KIF15: variants seen among roughly 807,000 people sequenced by gnomAD.
KIF15 encodes kinesin family member 15.
Under a neutral mutation model 190.6 loss-of-function variants are expected in KIF15, and 140 were observed. That is an observed-to-expected ratio of 0.73 (90% confidence interval 0.64 to 0.84). The LOEUF is 0.84. KIF15 is among the 40% of genes least tolerant of loss of function. The pLI is 0.00. For synonymous variants in KIF15, 528 were observed against 551.3 expected, an observed-to-expected ratio of 0.96 and a Z score of 0.59; for missense variants, 1,372 against 1,584.4, an observed-to-expected ratio of 0.87 and a Z score of 2.28.
At chr3:44,797,057 T>C (rs1185846398) in intron 8 of KIF15, among the ~76,000 whole-genome samples, 5 of 152,178 alleles carry the variant, frequency 3.3e-5, no homozygotes, top group Non-Finnish European at 7.4e-5. Flanking sequence ...AGAGAGGGTC[T>C]CACTCTGTCA....
intron 20 of KIF15, among the ~76,000 whole-genome samples, chr3:44,822,988 C>T (rs1697430582): frequency 6.6e-6 from 1 of 152,090 alleles, no homozygotes; most frequent in African/African-American, 2.4e-5. Context: ...TTATTACCGA[C>T]CTTCTGAAGC....
chr3:44,865,107 T>G, intron 6 of KIF15: 3 of 1,614,082 alleles, frequency 1.9e-6, no homozygotes, highest in Non-Finnish European at 2.5e-6. Flanking sequence ...GTGTTCCTTA[T>G]TCTCTGCGGA....
At chr3:44,781,772 T>C (rs954640527) in intron 5 of KIF15, among the ~76,000 whole-genome samples, 4 of 152,220 alleles carry the variant, frequency 2.6e-5, no homozygotes, top group African/African-American at 9.6e-5. Flanking sequence ...TTTATTTCTA[T>C]TGACAACTGA....
At chr3:44,829,679 A>ATATATG (rs1697947249) in intron 24 of KIF15, among the ~76,000 whole-genome samples, 2 of 125,046 alleles carry the variant, frequency 1.6e-5, no homozygotes, top group African/African-American at 6.6e-5. Context: ...TAATATATGT[A>ATATATG]TATATATTAT....
chr3:44,809,859 G>T (rs1306022130), intron 16 of KIF15, among the ~76,000 whole-genome samples: 1 of 152,092 alleles, frequency 6.6e-6, no homozygotes, highest in Non-Finnish European at 1.5e-5. Flanking sequence ...TTGAGGCCAG[G>T]AGTTGGAGAC....
intron 18 of KIF15, among the ~76,000 whole-genome samples, 184 bp from the exon 19 acceptor site, chr3:44,812,891 A>G (rs1707853568): frequency 6.6e-6 from 1 of 152,088 alleles, no homozygotes; most frequent in South Asian, 2.1e-4. Context: ...AGGCTGAGGC[A>G]GGAGAATCAC....
At chr3:44,846,121 A>C (rs1698837583) in intron 30 of KIF15, among the ~76,000 whole-genome samples, 1 of 152,210 alleles carries the variant, frequency 6.6e-6, no homozygotes, top group South Asian at 2.1e-4. Flanking sequence ...TAGTTATGGC[A>C]GTGGCAGAAG....
intron 8 of KIF15, among the ~76,000 whole-genome samples, chr3:44,795,930 C>T (rs1706954941): frequency 1.3e-5 from 2 of 152,106 alleles, no homozygotes; most frequent in Admixed American, 6.5e-5. Flanking sequence ...GGCATGATCT[C>T]GGCTTACTGC....
chr3:44,860,475 A>G (rs1007222646), intron 6 of KIF15, among the ~76,000 whole-genome samples: 1 of 152,136 alleles, frequency 6.6e-6, no homozygotes, highest in Non-Finnish European at 1.5e-5. Flanking sequence ...GGTTCAAACA[A>G]TTCTCTGCCT....
intron 1 of KIF15, among the ~76,000 whole-genome samples, chr3:44,762,213 G>A (rs1705181994): frequency 6.6e-6 from 1 of 152,132 alleles, no homozygotes. Flanking sequence ...CCCGACCAGG[G>A]CTACCTCTCT....
At chr3:44,815,218 A>G in intron 20 of KIF15, 142 bp downstream of exon 20, 1 of 704,344 alleles carries the variant, frequency 1.4e-6, no homozygotes, top group Non-Finnish European at 2.2e-6. Context: ...TGGAAGCCCC[A>G]GAGGTGATTT....
At chr3:44,842,741 C>T (rs1038021503) in intron 29 of KIF15, among the ~76,000 whole-genome samples, 1 of 152,156 alleles carries the variant, frequency 6.6e-6, no homozygotes, top group African/African-American at 2.4e-5. Flanking sequence ...AGTTAGGATG[C>T]AATTGAGTAT....
At chr3:44,841,664 C>G (rs1434098285) in intron 29 of KIF15, among the ~76,000 whole-genome samples, 4 of 152,146 alleles carry the variant, frequency 2.6e-5, no homozygotes, top group African/African-American at 9.7e-5. Context: ...TCCCAAAGTG[C>G]TGGGATTACA....
intron 19 of KIF15, among the ~76,000 whole-genome samples, chr3:44,813,615 T>G (rs1707897556): frequency 7.0e-6 from 1 of 143,000 alleles, no homozygotes; most frequent in South Asian, 2.4e-4. Flanking sequence ...ATTTTTTTTT[T>G]GTTTTGTTTG....
chr3:44,808,250 A>G (rs556507754), intron 16 of KIF15, among the ~76,000 whole-genome samples: 34 of 152,364 alleles, frequency 2.2e-4, no homozygotes, highest in Admixed American at 1.8e-3. Context: ...TAGAGCTTGA[A>G]GCACCACGGC....
In KIF15 at chr3:44,848,052, G is replaced by A. The variant is rs1453338901; in HGVS notation, c.3763G>A (p.Ala1255Thr). The A allele has an allele frequency of 2.5e-6, 4 of 1,595,742 alleles. No individual in the cohort carries two copies. The highest frequency in any genetic ancestry group is 3.4e-6 in the Non-Finnish European group (4 of 1,165,454). ...AGAAGAAAGTATCAAAGAAAGACTT[G>A]CAAAAGTAAGATTTTTTTTTATGTA... Reference protein sequence around the residue: ...EQEESIKERLAKSKIVEEMLK... With the variant: ...EQEESIKERLTKSKIVEEMLK... Residue 1255 changes from alanine (A) to threonine (T), a missense_variant, in exon 31 of 35, where the codon GCA becomes ACA. Physicochemically the swap from Ala to Thr is moderately conservative, Grantham distance 58. Transcript: ENST00000326047.
intron 1 of KIF15, among the ~76,000 whole-genome samples, chr3:44,773,813 C>T (rs1705746315): frequency 1.3e-5 from 2 of 152,150 alleles, no homozygotes; most frequent in Non-Finnish European, 2.9e-5. Flanking sequence ...CAGCTAAAAT[C>T]CAGGTTCTTG....
At chr3:44,829,784 TA>T (rs1358593809) in intron 24 of KIF15, among the ~76,000 whole-genome samples, 186 bp from the exon 25 acceptor site, 1 of 137,966 alleles carries the variant, frequency 7.2e-6, no homozygotes, top group African/African-American at 2.9e-5. Flanking sequence ...TGTATATATA[TA>T]ATATATGCAT....
rs1350754672 is a variant in KIF15 at position 44,795,295 on chromosome 3, G to A, written c.849+869G>A. Among the ~76,000 whole-genome samples the A allele has an allele frequency of 2.6e-5, 4 of 152,076 alleles. No homozygotes were observed. In the East Asian group the frequency reaches 7.7e-4, roughly 29 times the overall value. On this transcript the variant is annotated intron_variant, in intron 8 of 34. Coordinates refer to ENST00000326047, the MANE Select transcript of KIF15 (RefSeq NM_020242.3). ...ACAGGAAATGCATGCCTGGCAGGGG[G>A]GCATCTCAAGGGTTATTGTGGATGC...
Sources: gnomAD v4.1 joint callset for allele counts (sites outside exome capture counted in the v4.1 genomes callset) on GRCh38, gnomAD v4.1.1 for gene constraint, MANE v1.5 for transcripts, NCBI Gene and HGNC (gene_info 2026-07-23, HGNC 2026-07-21) for gene names.